Variants in VPS13C observed in about 807,000 individuals in gnomAD.
The protein encoded by VPS13C is vacuolar protein sorting 13 homolog C.
Under a neutral mutation model 456.8 loss-of-function variants are expected in VPS13C, and 358 were observed. That is an observed-to-expected ratio of 0.78 (90% CI 0.72 to 0.86). The LOEUF (loss-of-function observed/expected upper bound fraction) is 0.86, where lower values mean the gene tolerates loss of function less well. VPS13C is among the 40% of genes least tolerant of loss of function. The pLI is 0.00. For missense variants in VPS13C, 4,818 were observed against 4,385.4 expected (o/e 1.10, Z -2.79); for synonymous variants, 1,578 against 1,486.7 (o/e 1.06, Z -1.41).
At chr15:62,054,217 C>T (rs1183333667) in intron 1 of VPS13C, among the ~76,000 whole-genome samples, 2 of 152,126 alleles carry the variant, frequency 1.3e-5, no homozygotes, top group Non-Finnish European at 2.9e-5. Flanking sequence ...CTATTGGTAC[C>T]AGTTTGTGGG....
rs2047276751 is a variant in VPS13C at position 62,017,026 on chromosome 15, T to C, written c.685-3034A>G. ...TTTGCATTTCTCTGATGGCCAGTGATGATGAGCATTTTTTCATGTGTCTGT... is the reference window on the plus strand; with the variant it reads ...TTTGCATTTCTCTGATGGCCAGTGACGATGAGCATTTTTTCATGTGTCTGT... On this transcript the variant is annotated intron_variant, in intron 9 of 84. Transcript: ENST00000644861. Among the ~76,000 whole-genome samples the C allele has an allele frequency of 2.0e-5, 3 of 152,218 alleles. No individual in the cohort carries two copies. In the South Asian group the frequency reaches 6.2e-4, roughly 31 times the overall value.
At chr15:62,024,481 C>T (rs530002425) in intron 6 of VPS13C, among the ~76,000 whole-genome samples, 1 of 152,164 alleles carries the variant, frequency 6.6e-6, no homozygotes, top group East Asian at 1.9e-4. Context: ...TCTTACTCAA[C>T]TTACAAATCT....
At position 61,991,789 on chromosome 15, in the gene VPS13C, C is replaced by T. The variant is rs748754522; in HGVS notation, c.1367G>A (p.Gly456Glu). The change falls in exon 17 of 85, where the codon GGG becomes GAG. Residue 456 changes from glycine to glutamate, a missense_variant. By Grantham distance (98) the Gly-to-Glu change is moderately conservative. Transcript: ENST00000644861. ...QQAQVEVIRS[G>E]QKLRKKSADT... ...AGCAGACTTTTTCCTTAATTTTTGCCCAGACCGAATCACCTGAAAAATAAA... is the reference window on the plus strand; with the variant it reads ...AGCAGACTTTTTCCTTAATTTTTGCTCAGACCGAATCACCTGAAAAATAAA... 5.4e-5 allele frequency: 87 copies of T among 1,611,266 alleles called. No homozygotes were observed. The highest frequency in any genetic ancestry group is 9.4e-5 in the African/African-American group (7 of 74,714).
chr15:61,951,108 A>G, intron 39 of VPS13C, 84 bp from the exon 40 acceptor site: 1 of 835,804 alleles, frequency 1.2e-6, no homozygotes, highest in Non-Finnish European at 1.9e-6. Context: ...GTACACAAAT[A>G]TACATTTGTC....
intron 1 of VPS13C, among the ~76,000 whole-genome samples, chr15:62,058,578 T>C (rs963465470): frequency 6.6e-6 from 1 of 152,202 alleles, no homozygotes; most frequent in Non-Finnish European, 1.5e-5. Flanking sequence ...TGACCAAAAG[T>C]ATACAGAAGG....
Position 61,962,467 on chromosome 15 carries a change from A to G in VPS13C, c.3507T>C (p.Asp1169=). The change falls in exon 34 of 85, where the codon GAT becomes GAC. Residue 1169 remains aspartate (D), a synonymous_variant. Transcript: ENST00000644861. The stretch of plus-strand genomic sequence containing the variant: ...CCACTTTGGACATGTCAGTATACAA[A>G]TCCCCCTCAGTAGCATCTGGATACA... ...LDLYPDATEG[D]LYTDMSKVDG... 6.2e-7 allele frequency: 1 copy of G among 1,612,224 alleles called. No homozygotes were observed. The highest frequency in any genetic ancestry group is 8.5e-7 in the Non-Finnish European group (1 of 1,178,852).
At chr15:62,022,868 A>C (rs1596491206) in intron 8 of VPS13C, among the ~76,000 whole-genome samples, 3 of 151,972 alleles carry the variant, frequency 2.0e-5, no homozygotes, top group East Asian at 1.9e-4. Flanking sequence ...CCAGTTAAAC[A>C]GTTCTTAATC....
Position 61,959,573 on chromosome 15 carries a change from A to G in VPS13C, c.3931T>C (p.Tyr1311His), listed in dbSNP as rs1470109191. 2 of 1,613,116 alleles carry G rather than the reference A, an allele frequency of 1.2e-6. No homozygotes were observed. Among genetic ancestry groups the G allele is most frequent in the East Asian group, 2.2e-5 (1 of 44,806 alleles). ...LYRTVIQPGI[Y>H]HPDIQLLHPI... The stretch of plus-strand genomic sequence containing the variant: ...TGCAACAGCTGAATATCAGGATGGT[A>G]GATGCCTGGCTGGATCACTGTCCTA... The change falls in exon 36 of 85, where the codon TAC becomes CAC. Residue 1311 changes from tyrosine (Y) to histidine (H), a missense_variant. By Grantham distance (83) the Tyr-to-His change is moderately conservative (BLOSUM62 2). This residue lies in a region of VPS13C where 4,552 missense variants were observed against 4,130.6 expected (regional missense o/e 1.10). Transcript: ENST00000644861.
Position 61,977,203 on chromosome 15 carries a change from TAAA to T in VPS13C, c.2291-7_2291-5del. On this transcript the variant is annotated splice_region_variant and splice_polypyrimidine_tract_variant and intron_variant, in intron 23 of 84. Coordinates refer to ENST00000644861, the MANE Select transcript of VPS13C (RefSeq NM_020821.3). ...CGACACTTTTTCCAGGTTTCCTCTT[TAAA>T]AAATAATTTAAGATATTATTTATTA... is the stretch of plus-strand genomic sequence containing the variant. 6.6e-7 allele frequency: 1 copy of T among 1,507,490 alleles called. No homozygotes were observed. The highest frequency in any genetic ancestry group is 8.9e-7 in the Non-Finnish European group (1 of 1,122,060). The allele number at this position is 1,507,490 out of a possible 1,614,324, so 93.4% of individuals were successfully genotyped here. A position where few individuals can be genotyped will look rare whatever the true frequency, so the allele number is the denominator to read the frequency against.
chr15:61,861,734 T>C (rs947420495), intron 82 of VPS13C, among the ~76,000 whole-genome samples: 8 of 152,196 alleles, frequency 5.3e-5, no homozygotes, highest in African/African-American at 1.9e-4. Flanking sequence ...GCTACTATTT[T>C]AATGTAATCA....
At chr15:61,954,905 G>A (rs1278586194) in intron 37 of VPS13C, among the ~76,000 whole-genome samples, 5 of 152,100 alleles carry the variant, frequency 3.3e-5, no homozygotes, top group African/African-American at 1.2e-4. Flanking sequence ...CTCACACGGT[G>A]GAGACATTAC....
chr15:61,915,480 T>A (rs1413589260), intron 61 of VPS13C, among the ~76,000 whole-genome samples, 153 bp downstream of exon 61: 1 of 152,196 alleles, frequency 6.6e-6, no homozygotes, highest in Admixed American at 6.5e-5. Flanking sequence ...GTTCCTAACA[T>A]CCCACTTGAT....
chr15:62,001,494 A>C (rs1003111318), intron 15 of VPS13C, among the ~76,000 whole-genome samples: 4 of 151,596 alleles, frequency 2.6e-5, no homozygotes, highest in Admixed American at 6.6e-5. Flanking sequence ...ATTTTTTTTG[A>C]TTATTTGTTT....
At chr15:62,018,180 T>C (rs1222495428) in intron 9 of VPS13C, among the ~76,000 whole-genome samples, 2 of 152,154 alleles carry the variant, frequency 1.3e-5, no homozygotes, top group Non-Finnish European at 2.9e-5. Context: ...CTTAAGGAGA[T>C]TTGGGGCTGA....
In VPS13C at chr15:61,894,917, C is replaced by T. The variant is rs191663535; in HGVS notation, c.9106-4517G>A. Among the ~76,000 whole-genome samples, 27 of 152,206 alleles carry T rather than the reference C, an allele frequency of 1.8e-4. No homozygotes were observed. The East Asian group carries it at 4.3e-3, about 24-fold the overall frequency. ...ACAAACATGTACAGAACATTTCATCCGACTGCTGCAGAATACACGTTCTTC... is the reference window on the plus strand; with the variant it reads ...ACAAACATGTACAGAACATTTCATCTGACTGCTGCAGAATACACGTTCTTC... On this transcript the variant is annotated intron_variant, in intron 66 of 84. Coordinates refer to ENST00000644861, the MANE Select transcript of VPS13C (RefSeq NM_020821.3).
At chr15:61,902,695 C>A (rs2043037233) in intron 66 of VPS13C, among the ~76,000 whole-genome samples, 1 of 152,052 alleles carries the variant, frequency 6.6e-6, no homozygotes, top group Non-Finnish European at 1.5e-5. Context: ...AGGAACGTAT[C>A]TCAAAATGAT....
Position 61,915,864 on chromosome 15 carries a change from A to T in VPS13C, c.8214T>A (p.Pro2738=), listed in dbSNP as rs777625370. The T allele has an allele frequency of 2.5e-6, 4 of 1,613,860 alleles. No individual in the cohort carries two copies. Among genetic ancestry groups the T allele is most frequent in the Non-Finnish European group, 3.4e-6 (4 of 1,180,018 alleles). The change falls in exon 61 of 85, where the codon CCT becomes CCA. Residue 2738 remains proline (P), a synonymous_variant. Transcript: ENST00000644861. The part of the protein sequence containing the change: ...RIRDTLPEFF[P]VCFSSDSTEV... ...CTGTGGAGTCAGAAGAAAAACACAC[A>T]GGAAAGAATTCTGGTAGTGTATCAC...
rs777842838 is a variant in VPS13C, at chr15:61,884,321, G to A, written c.9342-52C>T. 7 of 1,554,654 alleles carry A rather than the reference G, an allele frequency of 4.5e-6. No homozygotes were observed. In the Admixed American group the frequency reaches 1.3e-4, roughly 30 times the overall value. ...ATTAGCAATATGTATTTAGGTCTGT[G>A]GAACTTTATTCAACTCCAGATTATT... On this transcript the variant is annotated intron_variant, in intron 67 of 84. Transcript: ENST00000644861.
intron 66 of VPS13C, among the ~76,000 whole-genome samples, chr15:61,906,008 G>A (rs1221652081): frequency 1.3e-5 from 2 of 152,062 alleles, no homozygotes; most frequent in Non-Finnish European, 2.9e-5. Context: ...AAAATTTTCA[G>A]AGGTATAACT....
Sources: allele counts gnomAD v4.1 joint callset (sites outside exome capture counted in the v4.1 genomes callset), GRCh38; gene constraint gnomAD v4.1.1; regional missense constraint gnomAD v4.1.1; transcripts MANE v1.5; gene names NCBI Gene and HGNC (gene_info 2026-07-23, HGNC 2026-07-21).